The following RPRD2 variants were observed in gnomAD, a reference collection of about 807,000 sequenced individuals.
RPRD2 encodes regulation of nuclear pre-mRNA domain containing 2.
In RPRD2, 12 loss-of-function variants were observed where a neutral mutation model predicts 104.4. The ratio of observed to expected loss-of-function variants is 0.11; its 90% CI spans 0.07 to 0.19. RPRD2 has a LOEUF of 0.19. Ranked by LOEUF, RPRD2 falls within the 10% of genes least tolerant of loss-of-function variation. The probability of loss-of-function intolerance (pLI) is 1.00; values close to 1 mark genes in which losing one functional copy is unlikely to be tolerated. For missense variants in RPRD2, 1,543 were observed against 1,790.1 expected (o/e 0.86, Z 2.49); for synonymous variants, 714 against 684.9 (o/e 1.04, Z -0.66).
rs587775547 is a variant in RPRD2 at position 150,419,786 on chromosome 1, C to T, written c.335+2061C>T. Among the ~76,000 whole-genome samples, 16 of 152,280 alleles carry T rather than the reference C, an allele frequency of 1.1e-4. No individual in the cohort carries two copies. The East Asian group carries it at 2.3e-3, about 22-fold the overall frequency. On this transcript the variant is annotated intron_variant, in intron 2 of 10. Coordinates refer to ENST00000369068, the MANE Select transcript of RPRD2 (RefSeq NM_015203.5). ...CCAGGATTACAGGCATGCGCCACCA[C>T]GCCCAGCTAATTTTGTATTTTTAGT...
chr1:150,412,029 AC>A (rs201237265), intron 1 of RPRD2, among the ~76,000 whole-genome samples: 1,527 of 152,136 alleles, frequency 0.01, 16 homozygotes, highest in Admixed American at 0.013. Flanking sequence ...AGGCTGAGGC[AC>A]AAGAATCACT....
chr1:150,381,706 G>C lies in RPRD2; in HGVS notation c.205+16787G>C, dbSNP rs113228110. ...TTTTTAGTAGAGACGGGGTTTCACC[G>C]TGTCAGCCAGGATGGTCTCGATCTC... On this transcript the variant is annotated intron_variant, in intron 1 of 10. Coordinates refer to ENST00000369068, the MANE Select transcript of RPRD2 (RefSeq NM_015203.5). Among the ~76,000 whole-genome samples, 903 of 151,820 alleles carry C rather than the reference G, an allele frequency of 5.9e-3. 8 individuals are homozygous for C. The highest frequency in any genetic ancestry group is 0.011 in the African/African-American group (453 of 41,440).
intron 1 of RPRD2, among the ~76,000 whole-genome samples, chr1:150,408,309 T>C (rs1262139085): frequency 1.3e-5 from 2 of 151,558 alleles, no homozygotes; most frequent in Non-Finnish European, 2.9e-5. Flanking sequence ...GGATTGCAGG[T>C]ACCCGCCACC....
chr1:150,386,098 A>G (rs1661545072), intron 1 of RPRD2, among the ~76,000 whole-genome samples: 1 of 152,196 alleles, frequency 6.6e-6, no homozygotes, highest in South Asian at 2.1e-4. Flanking sequence ...GCCAAGAAAA[A>G]TACCATATTT....
chr1:150,428,325 C>T (rs1211850258), intron 2 of RPRD2, among the ~76,000 whole-genome samples: 4 of 151,450 alleles, frequency 2.6e-5, no homozygotes, highest in Admixed American at 6.6e-5. Context: ...TGGTGGCGGG[C>T]GCCTGTAATC....
intron 1 of RPRD2, among the ~76,000 whole-genome samples, chr1:150,404,962 T>C (rs868964485): frequency 2.0e-5 from 3 of 152,216 alleles, no homozygotes; most frequent in Non-Finnish European, 4.4e-5. Context: ...TCTTACCTAT[T>C]ATAGCATGTG....
intron 1 of RPRD2, among the ~76,000 whole-genome samples, chr1:150,412,523 A>G (rs1336450916): frequency 6.6e-6 from 1 of 152,178 alleles, no homozygotes; most frequent in African/African-American, 2.4e-5. Context: ...AGAAAAGGAA[A>G]ATTCTGACTA....
intron 1 of RPRD2, among the ~76,000 whole-genome samples, chr1:150,409,645 T>TTA (rs1663747359): frequency 7.9e-6 from 1 of 127,196 alleles, no homozygotes; most frequent in Non-Finnish European, 1.8e-5. Context: ...GATGTTGCAA[T>TTA]TCTTTTTTTT....
chr1:150,450,514 G>A (rs1667086194), intron 7 of RPRD2, among the ~76,000 whole-genome samples: 1 of 148,598 alleles, frequency 6.7e-6, no homozygotes, highest in African/African-American at 2.5e-5. Context: ...GCTGAGGCAG[G>A]AGAATGACGT....
chr1:150,460,374 C>T, intron 9 of RPRD2, 57 bp downstream of exon 9: 1 of 1,484,158 alleles, frequency 6.7e-7, no homozygotes, highest in East Asian at 2.4e-5. Context: ...TAAATTGAAT[C>T]ATTAATCTGT....
At chr1:150,465,393 C>T (rs908841630) in intron 10 of RPRD2, among the ~76,000 whole-genome samples, 4 of 152,200 alleles carry the variant, frequency 2.6e-5, no homozygotes, top group Non-Finnish European at 5.9e-5. Flanking sequence ...GCTAGGATTA[C>T]AGGCGTGAGC....
rs782636504 is a variant in RPRD2, at chr1:150,460,187, A to G, written c.1281A>G (p.Pro427=). 1.9e-6 allele frequency: 3 copies of G among 1,613,646 alleles called. No individual in the cohort carries two copies. The East Asian group carries it at 6.7e-5, about 36-fold the overall frequency. Residue 427 remains proline (P), a synonymous_variant, in exon 9 of 11, where the codon CCA becomes CCG. Coordinates refer to ENST00000369068, the MANE Select transcript of RPRD2 (RefSeq NM_015203.5). ...TGCCTGTGACCATGACAGCAACTCC[A>G]CCTCTTCCAAAGCCTGTGAATACTT... The part of the protein sequence containing the change: ...TPVPVTMTAT[P]PLPKPVNTSL...
rs1668598173 is a variant in RPRD2, at chr1:150,471,698, G to C, written c.2750G>C (p.Ser917Thr). ...SSSPGLFGAF[S>T]VRGNEPGSDR... ...TCCCCTGGGCTATTTGGTGCCTTCA[G>C]CGTAAGAGGGAATGAACCTGGGTCT... Residue 917 changes from serine to threonine, a missense_variant, in exon 11 of 11, where the codon AGC becomes ACC. Coordinates refer to ENST00000369068, the MANE Select transcript of RPRD2 (RefSeq NM_015203.5). The surrounding 1 kb of genome is among the most constrained non-coding windows in gnomAD (Gnocchi z 5.3). 2 of 1,613,764 alleles carry C rather than the reference G, an allele frequency of 1.2e-6. No homozygotes were observed. The highest frequency in any genetic ancestry group is 8.5e-7 in the Non-Finnish European group (1 of 1,179,870).
intron 2 of RPRD2, among the ~76,000 whole-genome samples, chr1:150,419,537 TATTTATAATTGACTAAA>T (rs1364582905): frequency 2.6e-5 from 4 of 152,246 alleles, no homozygotes; most frequent in African/African-American, 9.6e-5. Context: ...ATTTGTTGGA[TATTTATAATTGACTAAA>T]TATTATACAA....
At chr1:150,394,283 C>T (rs1056395890) in intron 1 of RPRD2, among the ~76,000 whole-genome samples, 11 of 152,152 alleles carry the variant, frequency 7.2e-5, no homozygotes, top group Admixed American at 2.6e-4. Flanking sequence ...CTCCCTACCT[C>T]GGGTGATCCG....
chr1:150,442,142 A>G (rs587768611), intron 4 of RPRD2, among the ~76,000 whole-genome samples, 184 bp downstream of exon 4: 1 of 147,620 alleles, frequency 6.8e-6, no homozygotes, highest in Admixed American at 6.8e-5. Context: ...AAAAAAAAAA[A>G]GCAAACAAAA....
chr1:150,417,489 A>G (rs1572431179), intron 1 of RPRD2, 107 bp from the exon 2 acceptor site: 1 of 129,234 alleles, frequency 7.7e-6, no homozygotes. Flanking sequence ...TCCATGTAAG[A>G]AAAAAAAAAT....
At position 150,470,829 on chromosome 1, in the gene RPRD2, C is replaced by T. The variant is rs368853333; in HGVS notation, c.1881C>T (p.Asn627=). 35 of 1,613,872 alleles carry T rather than the reference C, an allele frequency of 2.2e-5. No individual in the cohort carries two copies. The highest frequency in any genetic ancestry group is 2.8e-5 in the Non-Finnish European group (33 of 1,179,916). Residue 627 remains asparagine (N), a synonymous_variant, in exon 11 of 11, where the codon AAC becomes AAT. Transcript: ENST00000369068. ...GCACTACTTTTAAACTACCTTCCAA[C>T]TCTTTGGGGTTTACAGCTACCCACA... is the stretch of plus-strand genomic sequence containing the variant. ...LPSTTFKLPS[N]SLGFTATHNT...
intron 1 of RPRD2, among the ~76,000 whole-genome samples, chr1:150,393,454 CAAAAAA>C (rs1203478537): frequency 6.7e-5 from 4 of 59,536 alleles, no homozygotes; most frequent in East Asian, 4.5e-4. Context: ...GACCCTGTCT[CAAAAAA>C]AAAAAAAAAA....
Sources: allele counts gnomAD v4.1 joint callset (sites outside exome capture counted in the v4.1 genomes callset), GRCh38; gene constraint gnomAD v4.1.1; non-coding constraint Gnocchi (gnomAD v3.1); transcripts MANE v1.5; gene names NCBI Gene and HGNC (gene_info 2026-07-23, HGNC 2026-07-21).